The following LRRC4C variants were observed in gnomAD, a reference collection of about 807,000 sequenced individuals.
LRRC4C encodes leucine-rich repeat-containing protein 4C.
Under a neutral mutation model 33.6 loss-of-function variants are expected in LRRC4C, and 5 were observed. The ratio of observed to expected loss-of-function variants is 0.15; its 90% CI spans 0.08 to 0.31. The LOEUF is 0.31. Ranked by LOEUF, LRRC4C falls within the 10% of genes least tolerant of loss-of-function variation. LRRC4C has a pLI of 1.00. For synonymous variants in LRRC4C, 329 were observed against 302.0 expected (o/e 1.09, Z -0.93); for missense variants, 560 against 796.7 (o/e 0.70, Z 3.58).
chr11:41,352,315 C>A (rs952531548), intron 1 of LRRC4C, among the ~76,000 whole-genome samples: 1 of 152,110 alleles, frequency 6.6e-6, no homozygotes, highest in Non-Finnish European at 1.5e-5. Flanking sequence ...ACAAGAAGAC[C>A]TAACTATCCT....
At position 40,454,799 on chromosome 11, in the gene LRRC4C, G is replaced by C. The variant is rs560097662; in HGVS notation, c.-269-135078C>G. Among the ~76,000 whole-genome samples, 4 of 152,186 alleles carry C rather than the reference G, an allele frequency of 2.6e-5. No individual in the cohort carries two copies. The South Asian group carries it at 8.3e-4, about 32-fold the overall frequency. Reference sequence around the variant, plus strand: ...AATTTTCAGACACCTTTATGGGTGAGCTGGTTAAAAGACAAGGCTTCAGGT... The same window carrying C: ...AATTTTCAGACACCTTTATGGGTGACCTGGTTAAAAGACAAGGCTTCAGGT... On this transcript the variant is annotated intron_variant, in intron 3 of 6. Coordinates refer to ENST00000528697, the MANE Select transcript of LRRC4C (RefSeq NM_001258419.2).
intron 1 of LRRC4C, among the ~76,000 whole-genome samples, chr11:41,221,134 T>C (rs993719254): frequency 6.6e-6 from 1 of 152,146 alleles, no homozygotes; most frequent in African/African-American, 2.4e-5. Flanking sequence ...ATCTGCTTCC[T>C]CTTCCGACCC....
At chr11:41,139,532 C>T (rs568621232) in intron 1 of LRRC4C, among the ~76,000 whole-genome samples, 1 of 152,052 alleles carries the variant, frequency 6.6e-6, no homozygotes, top group African/African-American at 2.4e-5. Flanking sequence ...AGTGAGAAAG[C>T]GTAAATTTAG....
chr11:40,130,684 T>C (rs894906029), intron 6 of LRRC4C, among the ~76,000 whole-genome samples: 1 of 152,156 alleles, frequency 6.6e-6, no homozygotes, highest in African/African-American at 2.4e-5. Context: ...ACTGTCCTCT[T>C]TGAAAACCAC....
At chr11:40,777,846 C>T (rs550435770) in intron 2 of LRRC4C, among the ~76,000 whole-genome samples, 1 of 152,110 alleles carries the variant, frequency 6.6e-6, no homozygotes, top group South Asian at 2.1e-4. Flanking sequence ...CGCCACCATG[C>T]CCAGCTAATT....
At chr11:40,237,504 G>A (rs778410228) in intron 5 of LRRC4C, among the ~76,000 whole-genome samples, 20 of 152,262 alleles carry the variant, frequency 1.3e-4, no homozygotes, top group Admixed American at 8.5e-4. Context: ...AGACAAGGTC[G>A]CGGTATGGAT....
chr11:40,388,909 T>C (rs1949223452), intron 3 of LRRC4C, among the ~76,000 whole-genome samples: 1 of 152,160 alleles, frequency 6.6e-6, no homozygotes. Context: ...CTTCTCCCCA[T>C]TTTTAGGAGA....
intron 3 of LRRC4C, among the ~76,000 whole-genome samples, chr11:40,459,187 T>C (rs567417292): frequency 1.3e-5 from 2 of 152,350 alleles, no homozygotes; most frequent in African/African-American, 4.8e-5. Flanking sequence ...TTTATAAGTG[T>C]TCTCTTATTC....
intron 2 of LRRC4C, among the ~76,000 whole-genome samples, chr11:40,722,529 A>T (rs1947073712): frequency 6.6e-6 from 1 of 152,204 alleles, no homozygotes; most frequent in Non-Finnish European, 1.5e-5. Flanking sequence ...AGAAACAAAG[A>T]CAATCCCCTT....
intron 2 of LRRC4C, among the ~76,000 whole-genome samples, chr11:40,884,476 G>C (rs1027916414): frequency 6.6e-6 from 1 of 152,006 alleles, no homozygotes; most frequent in Non-Finnish European, 1.5e-5. Flanking sequence ...CTAGATCCTT[G>C]AGGAATCACC....
At chr11:40,436,577 G>GCAC (rs1951148723) in intron 3 of LRRC4C, among the ~76,000 whole-genome samples, 1 of 152,158 alleles carries the variant, frequency 6.6e-6, no homozygotes, top group Admixed American at 6.5e-5. Context: ...CCTGGTGTGT[G>GCAC]CACCCAAGAG....
At chr11:40,503,530 G>A (rs76972715) in intron 3 of LRRC4C, among the ~76,000 whole-genome samples, 3,147 of 152,204 alleles carry the variant, frequency 0.021, 119 homozygotes, top group African/African-American at 0.072. Context: ...CACATTCTTA[G>A]ATATTAAAAA....
At chr11:40,970,496 C>G (rs1851653344) in intron 1 of LRRC4C, among the ~76,000 whole-genome samples, 1 of 152,120 alleles carries the variant, frequency 6.6e-6, no homozygotes, top group Non-Finnish European at 1.5e-5. Flanking sequence ...ATCAAACCTC[C>G]TTTCCTTATA....
At chr11:40,767,876 C>T (rs1484706750) in intron 2 of LRRC4C, among the ~76,000 whole-genome samples, 1 of 151,654 alleles carries the variant, frequency 6.6e-6, no homozygotes, top group Non-Finnish European at 1.5e-5. Flanking sequence ...GGTAGTAAAA[C>T]TTCCAATAAA....
intron 1 of LRRC4C, among the ~76,000 whole-genome samples, chr11:41,252,588 G>A (rs1240697558): frequency 6.6e-6 from 1 of 152,082 alleles, no homozygotes; most frequent in Non-Finnish European, 1.5e-5. Context: ...CTCTGTTTTT[G>A]TAATACTATT....
chr11:41,090,394 T>G (rs1940326130), intron 1 of LRRC4C, among the ~76,000 whole-genome samples: 1 of 152,136 alleles, frequency 6.6e-6, no homozygotes, highest in Admixed American at 6.6e-5. Flanking sequence ...GTTTTCTCAT[T>G]TCCTATATTG....
chr11:40,921,132 G>A (rs1351533219), intron 2 of LRRC4C, among the ~76,000 whole-genome samples: 1 of 151,900 alleles, frequency 6.6e-6, no homozygotes, highest in Non-Finnish European at 1.5e-5. Context: ...TATGTTGTCA[G>A]GACTGGTCTC....
chr11:41,237,075 T>C (rs1948057132), intron 1 of LRRC4C, among the ~76,000 whole-genome samples: 1 of 152,236 alleles, frequency 6.6e-6, no homozygotes, highest in Admixed American at 6.5e-5. Flanking sequence ...ATATGCCAGA[T>C]GAACCTAAAA....
intron 2 of LRRC4C, among the ~76,000 whole-genome samples, chr11:40,895,026 G>C (rs149335515): frequency 1.5e-4 from 23 of 151,936 alleles, no homozygotes; most frequent in African/African-American, 5.5e-4. Flanking sequence ...TAATTGGCTT[G>C]ATAGCTAATT....
Sources: gnomAD v4.1 joint callset for allele counts (sites outside exome capture counted in the v4.1 genomes callset) on GRCh38, gnomAD v4.1.1 for gene constraint, MANE v1.5 for transcripts, NCBI Gene and HGNC (gene_info 2026-07-23, HGNC 2026-07-21) for gene names.